The following RIMS2 variants were observed in gnomAD, a reference collection of about 807,000 sequenced individuals.
The protein encoded by RIMS2 is regulating synaptic membrane exocytosis protein 2.
In RIMS2, 59 loss-of-function variants were observed where a neutral mutation model predicts 174.4. The observed-to-expected ratio is 0.34, with a 90% CI of 0.27 to 0.42. RIMS2 has a LOEUF of 0.42. Ranked by LOEUF, RIMS2 falls within the 10% of genes least tolerant of loss-of-function variation. The pLI is 1.00. For synonymous variants in RIMS2, 606 were observed against 572.5 expected (o/e 1.06, Z -0.84); for missense variants, 1,620 against 1,666.3 (o/e 0.97, Z 0.48).
intron 4 of RIMS2, among the ~76,000 whole-genome samples, chr8:103,906,602 A>G (rs1014089520): frequency 6.6e-6 from 1 of 152,160 alleles, no homozygotes; most frequent in Admixed American, 6.5e-5. Flanking sequence ...AAATGGTTAA[A>G]CAGCTTATGT....
At chr8:103,950,686 A>G (rs1298108310) in intron 14 of RIMS2, among the ~76,000 whole-genome samples, 3 of 152,174 alleles carry the variant, frequency 2.0e-5, no homozygotes, top group Non-Finnish European at 2.9e-5. Flanking sequence ...CATATTGGTA[A>G]AAGACTGCAT....
intron 1 of RIMS2, among the ~76,000 whole-genome samples, chr8:103,541,836 AAT>A (rs143522549): frequency 0.012 from 1,765 of 152,338 alleles, 32 homozygotes; most frequent in African/African-American, 0.039. Context: ...TAGCTTTAAA[AAT>A]GCAATCAAAG....
intron 17 of RIMS2, among the ~76,000 whole-genome samples, chr8:103,991,330 T>C (rs1268669625): frequency 6.6e-6 from 1 of 151,638 alleles, no homozygotes; most frequent in East Asian, 1.9e-4. Context: ...AAAATAGAAT[T>C]TTATTTAAAT....
At chr8:103,728,523 G>C (rs80189950) in intron 2 of RIMS2, among the ~76,000 whole-genome samples, 4,535 of 152,154 alleles carry the variant, frequency 0.03, 73 homozygotes, top group African/African-American at 0.046. Flanking sequence ...AAGGGGAAAT[G>C]CTTCCAGTTG....
At chr8:103,684,938 T>A (rs1000321522) in intron 1 of RIMS2, among the ~76,000 whole-genome samples, 1 of 152,156 alleles carries the variant, frequency 6.6e-6, no homozygotes, top group Non-Finnish European at 1.5e-5. Context: ...ATCTAAGAAG[T>A]CTTTGTTTAT....
At chr8:104,109,584 A>G (rs182886007) in intron 19 of RIMS2, among the ~76,000 whole-genome samples, 103 of 152,312 alleles carry the variant, frequency 6.8e-4, no homozygotes, top group African/African-American at 2.4e-3. Flanking sequence ...TTTCATAAAT[A>G]GTAGAGATGG....
intron 2 of RIMS2, among the ~76,000 whole-genome samples, chr8:103,758,106 G>A (rs1021205452): frequency 1.3e-5 from 2 of 151,998 alleles, no homozygotes; most frequent in African/African-American, 4.8e-5. Flanking sequence ...TTTTGAATAA[G>A]TTTTAGATAG....
chr8:103,943,073 G>T, intron 14 of RIMS2, 147 bp downstream of exon 16: 1 of 621,846 alleles, frequency 1.6e-6, no homozygotes, highest in Non-Finnish European at 2.7e-6. Context: ...GAAAACAATT[G>T]TTTGAAGCTT....
At chr8:103,749,258 T>A (rs922330733) in intron 2 of RIMS2, among the ~76,000 whole-genome samples, 1 of 151,752 alleles carries the variant, frequency 6.6e-6, no homozygotes. Context: ...ACTACAGGCA[T>A]CCGCCAGCAC....
intron 19 of RIMS2, among the ~76,000 whole-genome samples, chr8:104,193,173 T>A (rs1232135741): frequency 3.3e-5 from 5 of 152,190 alleles, no homozygotes. Context: ...TATGTGCTCT[T>A]GTAAAATAGT....
chr8:103,829,930 G>T (rs1163290970), intron 3 of RIMS2, among the ~76,000 whole-genome samples: 1 of 152,116 alleles, frequency 6.6e-6, no homozygotes, highest in Non-Finnish European at 1.5e-5. Context: ...ATTTCTTTAA[G>T]ATAAATAGGA....
At chr8:103,565,193 C>T (rs2092187499) in intron 1 of RIMS2, among the ~76,000 whole-genome samples, 1 of 152,172 alleles carries the variant, frequency 6.6e-6, no homozygotes, top group Non-Finnish European at 1.5e-5. Flanking sequence ...AGTCTAGGTG[C>T]AGTTTATAAA....
intron 19 of RIMS2, among the ~76,000 whole-genome samples, chr8:104,126,061 G>A (rs1216430288): frequency 6.6e-6 from 1 of 152,150 alleles, no homozygotes; most frequent in Non-Finnish European, 1.5e-5. Context: ...GAGGCTAGAA[G>A]GTGGACTAGA....
chr8:103,852,244 G>A (rs986582741), intron 3 of RIMS2, among the ~76,000 whole-genome samples: 2 of 151,976 alleles, frequency 1.3e-5, no homozygotes, highest in Non-Finnish European at 2.9e-5. Flanking sequence ...AAAGAAAATA[G>A]TATAGATATA....
chr8:103,809,065 G>A (rs969108677), intron 3 of RIMS2, among the ~76,000 whole-genome samples: 1 of 152,060 alleles, frequency 6.6e-6, no homozygotes, highest in Non-Finnish European at 1.5e-5. Flanking sequence ...TGCTCTATAG[G>A]ATGTGGCTAC....
chr8:103,633,476 A>G, intron 1 of RIMS2, among the ~76,000 whole-genome samples: 1 of 152,072 alleles, frequency 6.6e-6, no homozygotes, highest in East Asian at 1.9e-4. Flanking sequence ...CATGTTCATC[A>G]ACAATTTTGG....
intron 19 of RIMS2, among the ~76,000 whole-genome samples, chr8:104,172,565 A>G (rs2098838542): frequency 6.6e-6 from 1 of 152,216 alleles, no homozygotes; most frequent in Admixed American, 6.5e-5. Flanking sequence ...AGTGGCTGAG[A>G]TGAGTAGTAT....
At chr8:103,959,428 A>G (rs966257125) in intron 14 of RIMS2, among the ~76,000 whole-genome samples, 4 of 147,090 alleles carry the variant, frequency 2.7e-5, no homozygotes, top group Admixed American at 2.0e-4. Flanking sequence ...TAAAAAAGTA[A>G]TTTTTTTTTT....
intron 14 of RIMS2, among the ~76,000 whole-genome samples, chr8:103,948,366 T>TGAATG (rs1236728868): frequency 6.6e-6 from 1 of 152,206 alleles, no homozygotes; most frequent in Non-Finnish European, 1.5e-5. Flanking sequence ...ACTGAAAGAC[T>TGAATG]TGTACGTGAA....
Sources: allele counts gnomAD v4.1 joint callset (sites outside exome capture counted in the v4.1 genomes callset), GRCh38; gene constraint gnomAD v4.1.1; transcripts MANE v1.5; gene names NCBI Gene and HGNC (gene_info 2026-07-23, HGNC 2026-07-21).